OTOG: variants seen among roughly 807,000 people sequenced by gnomAD.
OTOG encodes the protein otogelin.
A neutral mutation model predicts 313.8 loss-of-function variants in OTOG; 296 were observed. That is an observed-to-expected ratio of 0.94 (90% confidence interval 0.86 to 1.04). The LOEUF (loss-of-function observed/expected upper bound fraction) is 1.04, where lower values mean the gene tolerates loss of function less well. Among genes scored for constraint, OTOG ranks in the 50% least tolerant of loss-of-function variants. OTOG has a pLI of 0.00. For missense variants in OTOG, 3,948 were observed against 3,840.1 expected, an observed-to-expected ratio of 1.03 and a Z score of -0.74; for synonymous variants, 1,533 against 1,554.9, an observed-to-expected ratio of 0.99 and a Z score of 0.33.
chr11:17,562,728 G>T (rs1852216753), intron 15 of OTOG, among the ~76,000 whole-genome samples: 1 of 152,154 alleles, frequency 6.6e-6, no homozygotes, highest in Non-Finnish European at 1.5e-5. Flanking sequence ...TCTAAAATTG[G>T]TTTAATTTAA....
intron 32 of OTOG, 134 bp from the exon 33 acceptor site, chr11:17,605,723 G>C: frequency 1.0e-6 from 1 of 981,886 alleles, no homozygotes; most frequent in Non-Finnish European, 1.5e-6. Flanking sequence ...GGCTGGTGTA[G>C]GGGGCAGGGC....
At position 17,591,530 on chromosome 11, in the gene OTOG, G is replaced by C. The variant is rs759044507; in HGVS notation, c.2948G>C (p.Arg983Pro). Reference protein sequence around the residue: ...TCTAYGDRHYRTFDGLPFDFV... With the variant: ...TCTAYGDRHYPTFDGLPFDFV... ...ACTGCCTATGGGGACCGGCATTACC[G>C]CACGTTTGATGGGCTCCCGTTTGAC... is the stretch of plus-strand genomic sequence containing the variant. Residue 983 changes from arginine to proline, a missense_variant, in exon 25 of 56, where the codon CGC becomes CCC. Transcript: ENST00000399397. The C allele has an allele frequency of 5.8e-6, 9 of 1,550,516 alleles. No individual in the cohort carries two copies. Among genetic ancestry groups the C allele is most frequent in the Non-Finnish European group, 7.0e-6 (8 of 1,147,014 alleles).
chr11:17,558,133 C>T, intron 8 of OTOG, 52 bp from the exon 9 acceptor site: 1 of 1,544,278 alleles, frequency 6.5e-7, no homozygotes, highest in South Asian at 1.2e-5. Flanking sequence ...CTGTCCCTCC[C>T]ATCCACCCAA....
At chr11:17,593,421 C>G (rs1299443413) in intron 26 of OTOG, 94 bp downstream of exon 26, 1 of 1,470,570 alleles carries the variant, frequency 6.8e-7, no homozygotes, top group African/African-American at 1.4e-5. Context: ...CTTACCATAG[C>G]AGTTTCTCTT....
chr11:17,552,499 C>T, intron 4 of OTOG, among the ~76,000 whole-genome samples: 1 of 45,400 alleles, frequency 2.2e-5, no homozygotes, highest in Non-Finnish European at 4.2e-5. Flanking sequence ...TGTGGCCTCT[C>T]CTCCCACCTG....
chr11:17,554,383 G>C (rs1324356765), intron 6 of OTOG, among the ~76,000 whole-genome samples: 1 of 152,214 alleles, frequency 6.6e-6, no homozygotes, highest in Non-Finnish European at 1.5e-5. Flanking sequence ...GCTCAGTAAA[G>C]GTTTGTGAAA....
chr11:17,559,736 C>G lies in OTOG; in HGVS notation c.1342+74C>G. 2.5e-6 allele frequency: 3 copies of G among 1,211,586 alleles called. No individual in the cohort carries two copies. In the South Asian group the frequency reaches 4.2e-5, roughly 17 times the overall value. The allele number at this position is 1,211,586 out of a possible 1,614,324, so 75.1% of individuals were successfully genotyped here. On this transcript the variant is annotated intron_variant, in intron 12 of 55. Transcript: ENST00000399397. The stretch of plus-strand genomic sequence containing the variant: ...CACAGATGGCCACGAAACAGGAGTT[C>G]AGAAGATACCTGTTTGTGGAAGGAA...
chr11:17,603,909 A>G (rs1365290431), intron 32 of OTOG, among the ~76,000 whole-genome samples: 1 of 152,138 alleles, frequency 6.6e-6, no homozygotes, highest in East Asian at 1.9e-4. Flanking sequence ...TTACTTATTT[A>G]TTAATAATCA....
intron 18 of OTOG, 90 bp from the exon 19 acceptor site, chr11:17,572,988 C>T (rs1852436897): frequency 3.2e-6 from 4 of 1,241,524 alleles, no homozygotes; most frequent in Non-Finnish European, 4.5e-6. Flanking sequence ...CACACACACC[C>T]CTGAGCCATG....
chr11:17,603,542 A>C (rs533054196), intron 32 of OTOG, among the ~76,000 whole-genome samples: 1 of 152,288 alleles, frequency 6.6e-6, no homozygotes, highest in African/African-American at 2.4e-5. Context: ...GAGGGGCTCC[A>C]GTCCAGGCTC....
chr11:17,561,268 CCT>C (rs1852176857), intron 14 of OTOG, 131 bp downstream of exon 14: 2 of 1,072,892 alleles, frequency 1.9e-6, no homozygotes, highest in Admixed American at 2.2e-5. Context: ...CGCCCCGACC[CCT>C]GTTTCCTCAG....
At position 17,574,907 on chromosome 11, in the gene OTOG, C is replaced by G. The variant is rs1368317019; in HGVS notation, c.2481C>G (p.Val827=). 5.5e-5 allele frequency: 83 copies of G among 1,504,810 alleles called. No homozygotes were observed. Among genetic ancestry groups the G allele is most frequent in the Non-Finnish European group, 6.8e-5 (76 of 1,121,740 alleles). 93.2% of individuals were successfully genotyped at this position (1,504,810 alleles called of 1,614,324 possible). The change falls in exon 20 of 56, where the codon GTC becomes GTG. Residue 827 remains valine (V), a synonymous_variant. Transcript: ENST00000399397. ...TYLDTQADLC[V]PRNQCSCHFQ... is the part of the protein sequence containing the mutation. Reference sequence around the variant, plus strand: ...TGGACACCCAGGCTGACCTCTGTGTCCCCCGGTGAGTGGGTCAGCTTGATC... The same window carrying G: ...TGGACACCCAGGCTGACCTCTGTGTGCCCCGGTGAGTGGGTCAGCTTGATC...
intron 38 of OTOG, among the ~76,000 whole-genome samples, chr11:17,613,168 CCTTTTCTTTCTTTCTTTCTTTCTTT>C (rs779907396): frequency 0.064 from 8,638 of 135,396 alleles, 672 homozygotes; most frequent in African/African-American, 0.097. Context: ...TTCTCTTCTC[CCTTTTCTTTCTTTCTTTCTTTCTTT>C]CTTTTCTTTC....
chr11:17,602,209 G>C lies in OTOG; in HGVS notation c.3710-1G>C. ...TTGCTGATGGGGCCTCTTCTCTCCA[G>C]TGCTAGGTAAGGGCCCCTATCAGCT... On this transcript the variant is annotated splice_acceptor_variant, in intron 31 of 55. Transcript: ENST00000399397. LOFTEE classifies it high-confidence loss of function. 2 of 1,550,156 alleles carry C rather than the reference G, an allele frequency of 1.3e-6. No individual in the cohort carries two copies. The highest frequency in any genetic ancestry group is 1.7e-6 in the Non-Finnish European group (2 of 1,146,894).
chr11:17,574,926 C>G lies in OTOG; in HGVS notation c.2486+14C>G, dbSNP rs1852491197. On this transcript the variant is annotated intron_variant, in intron 20 of 55. Transcript: ENST00000399397. Reference sequence around the variant, plus strand: ...CTGTGTCCCCCGGTGAGTGGGTCAGCTTGATCTCTGAGTTGGGTGGGAAGG... The same window carrying G: ...CTGTGTCCCCCGGTGAGTGGGTCAGGTTGATCTCTGAGTTGGGTGGGAAGG... 6.8e-7 allele frequency: 1 copy of G among 1,480,874 alleles called. No individual in the cohort carries two copies. 91.7% of individuals were successfully genotyped at this position (1,480,874 alleles called of 1,614,324 possible).
At chr11:17,640,442 A>C (rs1160408372) in intron 49 of OTOG, among the ~76,000 whole-genome samples, 1 of 152,014 alleles carries the variant, frequency 6.6e-6, no homozygotes, top group Non-Finnish European at 1.5e-5. Context: ...ATTTCCTCTC[A>C]CTCTGTCCCC....
At chr11:17,643,198 A>G (rs1273984659) in intron 53 of OTOG, among the ~76,000 whole-genome samples, 1 of 152,168 alleles carries the variant, frequency 6.6e-6, no homozygotes, top group East Asian at 1.9e-4. Flanking sequence ...GGAAGACATG[A>G]GGGGAACTGC....
rs375256471 is a variant in OTOG, at chr11:17,619,764, C to T, written c.6528+6063C>T. Among the ~76,000 whole-genome samples, 170 of 152,230 alleles carry T rather than the reference C, an allele frequency of 1.1e-3. 1 individual carries two copies. The highest frequency in any genetic ancestry group is 4.0e-3 in the African/African-American group (166 of 41,554). ...TCCACAGTAAATTGTTATTATTTTT[C>T]CTTAAGCAGTTATCTTCTAAAGAGA... is the stretch of plus-strand genomic sequence containing the variant. On this transcript the variant is annotated intron_variant, in intron 39 of 55. Transcript: ENST00000399397.
At position 17,570,203 on chromosome 11, in the gene OTOG, C is replaced by T. The variant is rs779124415; in HGVS notation, c.1778-10C>T. 8 of 1,549,690 alleles carry T rather than the reference C, an allele frequency of 5.2e-6. No homozygotes were observed. Among genetic ancestry groups the T allele is most frequent in the African/African-American group, 2.7e-5 (2 of 73,016 alleles). On this transcript the variant is annotated splice_polypyrimidine_tract_variant and intron_variant, in intron 16 of 55. Coordinates refer to ENST00000399397, the MANE Select transcript of OTOG (RefSeq NM_001292063.2). ...CCCTCCCACTCTCTCCTTTTGGATTCTGTGCCCAGATGCCTTTGAGATCCG... is the reference window on the plus strand; with the variant it reads ...CCCTCCCACTCTCTCCTTTTGGATTTTGTGCCCAGATGCCTTTGAGATCCG...
Sources: gnomAD v4.1 joint callset for allele counts (sites outside exome capture counted in the v4.1 genomes callset) on GRCh38, gnomAD v4.1.1 for gene constraint, MANE v1.5 for transcripts, NCBI Gene and HGNC (gene_info 2026-07-23, HGNC 2026-07-21) for gene names.